Variants in CHRNA6 observed in about 807,000 individuals in gnomAD.
CHRNA6 encodes cholinergic receptor nicotinic alpha 6 subunit, also known as neuronal acetylcholine receptor subunit alpha-6.
A neutral mutation model predicts 40.9 loss-of-function variants in CHRNA6; 31 were observed. The observed-to-expected ratio is 0.76, with a 90% CI of 0.57 to 1.02. CHRNA6 has a LOEUF of 1.02. Ranked by LOEUF, CHRNA6 falls within the 50% of genes least tolerant of loss-of-function variation. The probability of loss-of-function intolerance (pLI) is 0.00; values close to 1 mark genes in which losing one functional copy is unlikely to be tolerated. For synonymous variants in CHRNA6, 222 were observed against 221.3 expected (o/e 1.00, Z -0.03); for missense variants, 546 against 596.6 (o/e 0.92, Z 0.88).
intron 5 of CHRNA6, among the ~76,000 whole-genome samples, chr8:42,754,282 C>T (rs1293111538): frequency 6.6e-6 from 1 of 152,288 alleles, no homozygotes; most frequent in South Asian, 2.1e-4. Context: ...TGAGCTCAAG[C>T]AATCCTCCCG....
intron 1 of CHRNA6, 95 bp from the exon 2 acceptor site, chr8:42,765,299 A>T: frequency 7.2e-7 from 1 of 1,382,098 alleles, no homozygotes; most frequent in Middle Eastern, 2.6e-4. Context: ...GTGGGGAGCG[A>T]ATGTCCCAGC....
intron 2 of CHRNA6, among the ~76,000 whole-genome samples, chr8:42,763,973 C>T (rs2128912472): frequency 6.6e-6 from 1 of 152,296 alleles, no homozygotes; most frequent in Non-Finnish European, 1.5e-5. Flanking sequence ...GATCCCTTCC[C>T]CATCCATGGC....
intron 2 of CHRNA6, chr8:42,759,495 G>A (rs531515981): frequency 1.0e-5 from 2 of 199,496 alleles, no homozygotes; most frequent in East Asian, 1.2e-4. Context: ...TTCCAACCCC[G>A]CACAGTGTTT....
intron 3 of CHRNA6, among the ~76,000 whole-genome samples, chr8:42,757,763 A>G (rs371764624): frequency 7.1e-5 from 8 of 113,238 alleles, no homozygotes; most frequent in Admixed American, 2.7e-4. Context: ...GCCCGGCGCG[A>G]TGGCTCACGC....
rs765736119 is a variant in CHRNA6 at position 42,756,033 on chromosome 8, G to C, written c.1166C>G (p.Pro389Arg). 6.2e-7 allele frequency: 1 copy of C among 1,614,214 alleles called. No individual in the cohort carries two copies. Among genetic ancestry groups the C allele is most frequent in the South Asian group, 1.1e-5 (1 of 91,082 alleles). ...ATGGAAGCATTCTTTAAGATGTCTG[G>C]GTTCCCCATGGCTTGCAAGCTTGCC... ...AKGKLASHGE[P>R]RHLKECFHCH... is the part of the protein sequence containing the mutation. Residue 389 changes from proline (P) to arginine (R), a missense_variant, in exon 5 of 6, where the codon CCC becomes CGC. Pro to Arg is a moderately radical substitution (Grantham distance 103, BLOSUM62 -2). Around this residue, in one of 3 missense-constraint regions of CHRNA6, gnomAD observed 476 missense variants for 494.5 expected, o/e 0.96. Coordinates refer to ENST00000276410, the MANE Select transcript of CHRNA6 (RefSeq NM_004198.3).
At chr8:42,767,394 T>G (rs1816990647) in intron 1 of CHRNA6, among the ~76,000 whole-genome samples, 1 of 152,256 alleles carries the variant, frequency 6.6e-6, no homozygotes, top group Non-Finnish European at 1.5e-5. Flanking sequence ...GTGGGGTTAC[T>G]TTTCCTCATT....
At chr8:42,759,878 C>T (rs938115692) in intron 2 of CHRNA6, among the ~76,000 whole-genome samples, 28 of 141,820 alleles carry the variant, frequency 2.0e-4, no homozygotes, top group Admixed American at 1.9e-3. Context: ...CCAGCCCAGG[C>T]GACAAAGACT....
At chr8:42,767,279 T>C (rs1816988185) in intron 1 of CHRNA6, among the ~76,000 whole-genome samples, 1 of 152,254 alleles carries the variant, frequency 6.6e-6, no homozygotes, top group Non-Finnish European at 1.5e-5. Context: ...TTGAAACATT[T>C]TTAAAAGTTG....
chr8:42,763,051 A>G (rs1318331218), intron 2 of CHRNA6, among the ~76,000 whole-genome samples: 1 of 152,250 alleles, frequency 6.6e-6, no homozygotes, highest in Non-Finnish European at 1.5e-5. Context: ...ACAGAAGTCT[A>G]GGATGTACAC....
chr8:42,754,520 GA>G (rs1410910078), intron 5 of CHRNA6, among the ~76,000 whole-genome samples: 1 of 152,060 alleles, frequency 6.6e-6, no homozygotes, highest in Non-Finnish European at 1.5e-5. Context: ...TAAATTTTAT[GA>G]AGGTGAATTT....
chr8:42,758,979 T>C, intron 3 of CHRNA6, 90 bp downstream of exon 3: 1 of 1,014,700 alleles, frequency 9.9e-7, no homozygotes, highest in Non-Finnish European at 1.6e-6. Context: ...ATATTTTATA[T>C]TCTATAACCA....
At chr8:42,765,815 A>G (rs1308761359) in intron 1 of CHRNA6, among the ~76,000 whole-genome samples, 2 of 152,248 alleles carry the variant, frequency 1.3e-5, no homozygotes, top group East Asian at 1.9e-4. Flanking sequence ...AACAAGAAAA[A>G]AAGCTCAACA....
At chr8:42,754,411 C>CT (rs1816762549) in intron 5 of CHRNA6, among the ~76,000 whole-genome samples, 1 of 152,156 alleles carries the variant, frequency 6.6e-6, no homozygotes, top group East Asian at 1.9e-4. Flanking sequence ...CTTACTTAAA[C>CT]AATTCTCCCG....
rs1479750149 is a variant in CHRNA6 at position 42,765,062 on chromosome 8, C to A, written c.219+3G>T. 6.2e-7 allele frequency: 1 copy of A among 1,613,854 alleles called. No homozygotes were observed. Among genetic ancestry groups the A allele is most frequent in the Non-Finnish European group, 8.5e-7 (1 of 1,179,912 alleles). The stretch of plus-strand genomic sequence containing the variant: ...GGGAAAGCTCTGATCAGAGGGCACT[C>A]ACCACGTTGGCCAGCTGGGTGATGG... On this transcript the variant is annotated splice_donor_region_variant and intron_variant, in intron 2 of 5. Coordinates refer to ENST00000276410, the MANE Select transcript of CHRNA6 (RefSeq NM_004198.3).
rs989145751 is a variant in CHRNA6, at chr8:42,756,263, G to C, written c.936C>G (p.Ile312Met). 2.5e-6 allele frequency: 4 copies of C among 1,614,262 alleles called. No homozygotes were observed. In the East Asian group the frequency reaches 8.9e-5, roughly 36 times the overall value. ...TCACCACGATGGACAGTGTGACAAA[G>C]ATCATGGTGAACAGCAGGTACTCAC... ...LVGEYLLFTM[I>M]FVTLSIVVTV... Residue 312 changes from isoleucine to methionine, a missense_variant, in exon 5 of 6, where the codon ATC becomes ATG. Ile to Met is a conservative substitution (Grantham distance 10). This residue lies in a region of CHRNA6 where 476 missense variants were observed against 494.5 expected (regional missense o/e 0.96). Transcript: ENST00000276410.
chr8:42,765,698 A>ATAAC (rs1232020324), intron 1 of CHRNA6, among the ~76,000 whole-genome samples: 3 of 152,250 alleles, frequency 2.0e-5, no homozygotes, highest in Non-Finnish European at 4.4e-5. Flanking sequence ...GGAAACTGAA[A>ATAAC]TAACTAGTAA....
rs954716682 is a variant in CHRNA6 at position 42,758,951 on chromosome 8, G to A, written c.264+118C>T. The A allele has an allele frequency of 1.0e-5, 8 of 795,242 alleles. No individual in the cohort carries two copies. In the African/African-American group the frequency reaches 1.2e-4, roughly 12 times the overall value. 49.3% of individuals were successfully genotyped at this position (795,242 alleles called of 1,614,324 possible). ...TACCAGAGCTGAACTTTAGGCTTTG[G>A]AGATGACCTAGTGGATAATATTTTA... is the stretch of plus-strand genomic sequence containing the variant. On this transcript the variant is annotated intron_variant, in intron 3 of 5. Coordinates refer to ENST00000276410, the MANE Select transcript of CHRNA6 (RefSeq NM_004198.3).
chr8:42,764,224 C>T (rs1816941696), intron 2 of CHRNA6, among the ~76,000 whole-genome samples: 1 of 152,210 alleles, frequency 6.6e-6, no homozygotes, highest in Non-Finnish European at 1.5e-5. Context: ...TCCTACTTGC[C>T]CTTGAACATG....
At chr8:42,760,746 G>T (rs1284017900) in intron 2 of CHRNA6, among the ~76,000 whole-genome samples, 1 of 152,240 alleles carries the variant, frequency 6.6e-6, no homozygotes, top group Non-Finnish European at 1.5e-5. Context: ...TAATGTTTAA[G>T]CAGATACTTA....
Sources: gnomAD v4.1 joint callset for allele counts (sites outside exome capture counted in the v4.1 genomes callset) on GRCh38, gnomAD v4.1.1 for gene constraint, gnomAD v4.1.1 regional missense constraint, MANE v1.5 for transcripts, NCBI Gene and HGNC (gene_info 2026-07-23, HGNC 2026-07-21) for gene names.